EPGN: variants seen among roughly 807,000 people sequenced by gnomAD.
EPGN encodes epigen.
In EPGN, 21 loss-of-function variants were observed where a neutral mutation model predicts 20.7. That is an observed-to-expected ratio of 1.01 (90% CI 0.72 to 1.46). EPGN has a LOEUF of 1.46. Ranked by LOEUF, EPGN falls within the 40% of genes most tolerant of loss-of-function variation. EPGN has a pLI of 0.00. For missense variants in EPGN, 199 were observed against 180.7 expected (o/e 1.10, Z -0.58); for synonymous variants, 69 against 63.8 (o/e 1.08, Z -0.39).
intron 1 of EPGN, among the ~76,000 whole-genome samples, 190 bp downstream of exon 1, chr4:74,308,766 T>C (rs1482565202): frequency 6.6e-6 from 1 of 152,200 alleles, no homozygotes; most frequent in East Asian, 1.9e-4. Context: ...TTTTGACACC[T>C]TTTTTGAGAC....
chr4:74,308,961 A>G, intron 1 of EPGN, 132 bp from the exon 2 acceptor site: 1 of 688,962 alleles, frequency 1.5e-6, no homozygotes. Flanking sequence ...TGCCCTAGTC[A>G]CGTTATGGAT....
rs1210749756 is a variant in EPGN at position 74,313,086 on chromosome 4, AT to A, written c.324del (p.Tyr108Ter). Reference sequence around the variant, plus strand: ...TTAACTTCATATGCTGTGGATTCTTATGAAAAATACATTGCAATTGGGATTG... The same window carrying A: ...TTAACTTCATATGCTGTGGATTCTTAGAAAAATACATTGCAATTGGGATTG... ...LTLTSYAVDS[Y>X]EKYIAIGIGV... On this transcript the variant is annotated frameshift_variant, in exon 4 of 5. Coordinates refer to ENST00000413830, the MANE Select transcript of EPGN (RefSeq NM_001270989.2). LOFTEE classifies it high-confidence loss of function. 1 of 1,613,318 alleles carries A rather than the reference AT, an allele frequency of 6.2e-7. No homozygotes were observed. The highest frequency in any genetic ancestry group is 2.2e-5 in the East Asian group (1 of 44,780).
In EPGN at chr4:74,314,845, C is replaced by T. The variant is rs943883458; in HGVS notation, c.*208C>T. On this transcript the variant is annotated 3_prime_UTR_variant, in exon 5 of 5. Transcript: ENST00000413830. ...AGTGATGGAAGCCAAGTGAACAAGC[C>T]TCAGTGACACAAGTCAAATTCATAG... 1.8e-6 allele frequency: 1 copy of T among 563,754 alleles called. No individual in the cohort carries two copies. The highest frequency in any genetic ancestry group is 4.7e-4 in the Middle Eastern group (1 of 2,118). The allele number at this position is 563,754 out of a possible 1,614,324, so 34.9% of individuals were successfully genotyped here.
rs781434693 is a variant in EPGN, at chr4:74,308,576, G to T, written c.43G>T (p.Ala15Ser). 1.2e-6 allele frequency: 2 copies of T among 1,607,920 alleles called. No individual in the cohort carries two copies. The highest frequency in any genetic ancestry group is 1.3e-5 in the African/African-American group (1 of 74,734). Residue 15 changes from alanine to serine, a missense_variant and splice_region_variant, in exon 1 of 5, where the codon GCA becomes TCA. Transcript: ENST00000413830. ...AATATCAGTCTATCTTTTATTCAACGGTAGGTAATTTCCTTTTGTTTTGTT... is the reference window on the plus strand; with the variant it reads ...AATATCAGTCTATCTTTTATTCAACTGTAGGTAATTTCCTTTTGTTTTGTT... ...VPISVYLLFN[A>S]MTALTEEAAV... is the part of the protein sequence containing the mutation.
intron 3 of EPGN, 80 bp from the exon 4 acceptor site, chr4:74,312,938 T>G (rs998108251): frequency 1.7e-6 from 2 of 1,185,304 alleles, no homozygotes; most frequent in African/African-American, 1.6e-5. Flanking sequence ...TCCATTTATT[T>G]TTTTAAATTT....
chr4:74,312,072 C>A lies in EPGN; in HGVS notation c.134-113C>A, dbSNP rs1156997172. 5 of 1,233,092 alleles carry A rather than the reference C, an allele frequency of 4.1e-6. No homozygotes were observed. In the African/African-American group the frequency reaches 6.2e-5, roughly 15 times the overall value. 76.4% of individuals were successfully genotyped at this position (1,233,092 alleles called of 1,614,324 possible). Reference sequence around the variant, plus strand: ...AAGAGAATCAATAGTTTAAAGGACACAGCACCACCCCCAAATATCCTTAAA... The same window carrying A: ...AAGAGAATCAATAGTTTAAAGGACAAAGCACCACCCCCAAATATCCTTAAA... On this transcript the variant is annotated intron_variant, in intron 2 of 4. Transcript: ENST00000413830.
intron 2 of EPGN, among the ~76,000 whole-genome samples, chr4:74,310,461 C>CA (rs10586282): frequency 0.047 from 2,010 of 42,370 alleles, 98 homozygotes; most frequent in Non-Finnish European, 0.077. Flanking sequence ...GAGTCCGTCT[C>CA]AAAAAAAAAA....
Position 74,312,230 on chromosome 4 carries a change from G to T in EPGN, c.179G>T (p.Cys60Phe), listed in dbSNP as rs546515255. Residue 60 changes from cysteine (C) to phenylalanine (F), a missense_variant, in exon 3 of 5, where the codon TGC (cysteine) becomes TTC (phenylalanine). By Grantham distance (205) the Cys-to-Phe change is radical. Coordinates refer to ENST00000413830, the MANE Select transcript of EPGN (RefSeq NM_001270989.2). ...GPIALKFSHLCLEDHNSYCIN... is the reference protein window; with the variant it reads ...GPIALKFSHLFLEDHNSYCIN... ...ATAGCCTTGAAGTTCTCACACCTTT[G>T]CCTGGAAGATCATAACAGTTACTGC... is the stretch of plus-strand genomic sequence containing the variant. 3 of 1,613,210 alleles carry T rather than the reference G, an allele frequency of 1.9e-6. No individual in the cohort carries two copies. The highest frequency in any genetic ancestry group is 2.5e-6 in the Non-Finnish European group (3 of 1,179,538).
intron 2 of EPGN, among the ~76,000 whole-genome samples, chr4:74,310,434 C>T (rs1348900750): frequency 2.1e-5 from 2 of 95,492 alleles, no homozygotes; most frequent in African/African-American, 8.6e-5. Flanking sequence ...TGCACTCCAG[C>T]CGGGGTGACA....
intron 4 of EPGN, chr4:74,313,629 A>T (rs1326420132): frequency 1.0e-6 from 1 of 995,466 alleles, no homozygotes; most frequent in Non-Finnish European, 1.2e-6. Context: ...TTCTTCCCAG[A>T]CGTCAACTGG....
Position 74,308,504 on chromosome 4 carries a change from A to G in EPGN, c.-30A>G. The G allele has an allele frequency of 1.9e-6, 3 of 1,599,556 alleles. No homozygotes were observed. Among genetic ancestry groups the G allele is most frequent in the Non-Finnish European group, 2.6e-6 (3 of 1,170,208 alleles). On this transcript the variant is annotated 5_prime_UTR_variant, in exon 1 of 5. In the 5' UTR this introduces an upstream ATG that the reference lacks. Transcript: ENST00000413830. ...CTTCCACCCGTCAGTCTAGAAGGAT[A>G]AGAGAAAGAAAGTTAAGCAACTACA...
Position 74,308,569 on chromosome 4 carries a change from A to T in EPGN, c.36A>T (p.Leu12Phe), listed in dbSNP as rs1560577436. The T allele has an allele frequency of 2.5e-6, 4 of 1,609,670 alleles. No individual in the cohort carries two copies. The highest frequency in any genetic ancestry group is 3.4e-6 in the Non-Finnish European group (4 of 1,177,494). Residue 12 changes from leucine (L) to phenylalanine (F), a missense_variant, in exon 1 of 5, where the codon TTA becomes TTT. Coordinates refer to ENST00000413830, the MANE Select transcript of EPGN (RefSeq NM_001270989.2). The stretch of plus-strand genomic sequence containing the variant: ...GAGTTCCAATATCAGTCTATCTTTT[A>T]TTCAACGGTAGGTAATTTCCTTTTG... ...ALGVPISVYL[L>F]FNAMTALTEE...
chr4:74,312,254 G>C lies in EPGN; in HGVS notation c.203G>C (p.Cys68Ser). ...TGCCTGGAAGATCATAACAGTTACT[G>C]CATCAACGGTGCTTGTGCATTCCAC... Reference protein sequence around the residue: ...HLCLEDHNSYCINGACAFHHE... With the variant: ...HLCLEDHNSYSINGACAFHHE... The change falls in exon 3 of 5, where the codon TGC becomes TCC. Residue 68 changes from cysteine (C) to serine (S), a missense_variant. Physicochemically the swap from Cys to Ser is moderately radical, Grantham distance 112. Coordinates refer to ENST00000413830, the MANE Select transcript of EPGN (RefSeq NM_001270989.2). 1 of 1,613,318 alleles carries C rather than the reference G, an allele frequency of 6.2e-7. No individual in the cohort carries two copies. Among genetic ancestry groups the C allele is most frequent in the Non-Finnish European group, 8.5e-7 (1 of 1,179,604 alleles).
rs1751235788 is a variant in EPGN at position 74,315,659 on chromosome 4, A to G, written c.*1022A>G. 6.6e-6 allele frequency among the ~76,000 whole-genome samples: 1 copy of G among 152,140 alleles called. No individual in the cohort carries two copies. Among genetic ancestry groups the G allele is most frequent in the South Asian group, 2.1e-4 (1 of 4,832 alleles). ...TGGAGTAACAGTCAAAATAATAATA[A>G]TCAGTATCCAGGCCAGGCGTGGTGG... On this transcript the variant is annotated 3_prime_UTR_variant, in exon 5 of 5. Transcript: ENST00000413830.
chr4:74,313,508 G>A (rs1560580946), intron 4 of EPGN: 1 of 1,153,124 alleles, frequency 8.7e-7, no homozygotes, highest in East Asian at 4.4e-5. Context: ...TATATTCAGT[G>A]ACTTACACTA....
Position 74,313,727 on chromosome 4 carries a change from T to G in EPGN, c.407+557T>G, listed in dbSNP as rs530701897. The stretch of plus-strand genomic sequence containing the variant: ...AATTATTTACATATTCATTCTTATT[T>G]CTTGTTTTTTCCACATGAGTAATTT... On this transcript the variant is annotated intron_variant, in intron 4 of 4. Coordinates refer to ENST00000413830, the MANE Select transcript of EPGN (RefSeq NM_001270989.2). The G allele has an allele frequency of 1.1e-5, 8 of 755,308 alleles. No homozygotes were observed. In the South Asian group the frequency reaches 4.8e-4, roughly 45 times the overall value. 46.8% of individuals were successfully genotyped at this position (755,308 alleles called of 1,614,324 possible).
Position 74,312,302 on chromosome 4 carries a change from G to T in EPGN, c.251G>T (p.Cys84Phe), listed in dbSNP as rs951287142. 6 of 1,607,714 alleles carry T rather than the reference G, an allele frequency of 3.7e-6. No homozygotes were observed. The African/African-American group carries it at 8.0e-5, about 22-fold the overall frequency. The change falls in exon 3 of 5, where the codon TGC (cysteine) becomes TTC (phenylalanine). Residue 84 changes from cysteine to phenylalanine, a missense_variant. Cys to Phe is a radical substitution (Grantham distance 205, BLOSUM62 -2). Coordinates refer to ENST00000413830, the MANE Select transcript of EPGN (RefSeq NM_001270989.2). ...CACCATGAGCTAGAGAAAGCCATCT[G>T]CAGGTAAATGCAAAGAAATATCCAA... is the stretch of plus-strand genomic sequence containing the variant. ...AFHHELEKAI[C>F]RCFTGYTGER...
Position 74,308,557 on chromosome 4 carries a change from A to G in EPGN, c.24A>G (p.Ser8=), listed in dbSNP as rs761155952. ...AAATGGCTTTGGGAGTTCCAATATC[A>G]GTCTATCTTTTATTCAACGGTAGGT... is the stretch of plus-strand genomic sequence containing the variant. The part of the protein sequence containing the change: MALGVPI[S]VYLLFNAMTA... Residue 8 remains serine (S), a synonymous_variant, in exon 1 of 5, where the codon TCA becomes TCG. Transcript: ENST00000413830. 4 of 1,610,826 alleles carry G rather than the reference A, an allele frequency of 2.5e-6. No homozygotes were observed. The East Asian group carries it at 8.9e-5, about 36-fold the overall frequency.
chr4:74,314,816 A>T lies in EPGN; in HGVS notation c.*179A>T. ...TTGGCCTTTAGACTTTGCCATCCTTAAGGAGTGATGGAAGCCAAGTGAACA... is the reference window on the plus strand; with the variant it reads ...TTGGCCTTTAGACTTTGCCATCCTTTAGGAGTGATGGAAGCCAAGTGAACA... On this transcript the variant is annotated 3_prime_UTR_variant, in exon 5 of 5. Transcript: ENST00000413830. 2 of 615,046 alleles carry T rather than the reference A, an allele frequency of 3.3e-6. No individual in the cohort carries two copies. The allele number at this position is 615,046 out of a possible 1,614,324, so 38.1% of individuals were successfully genotyped here.
Sources: gnomAD v4.1 joint callset for allele counts (sites outside exome capture counted in the v4.1 genomes callset) on GRCh38, gnomAD v4.1.1 for gene constraint, MANE v1.5 for transcripts, NCBI Gene and HGNC (gene_info 2026-07-23, HGNC 2026-07-21) for gene names.